ARHGAP15: variants seen among roughly 807,000 people sequenced by gnomAD.
ARHGAP15 encodes the protein rho GTPase-activating protein 15.
ARHGAP15 carries 51 observed loss-of-function variants against 63.7 expected under a neutral mutation model. The ratio of observed to expected loss-of-function variants is 0.80; its 90% CI spans 0.64 to 1.01. ARHGAP15 has a LOEUF of 1.01. Ranked by LOEUF, ARHGAP15 falls within the 50% of genes least tolerant of loss-of-function variation. The pLI is 0.00. For missense variants in ARHGAP15, 560 were observed against 564.6 expected (o/e 0.99, Z 0.08); for synonymous variants, 191 against 193.8 (o/e 0.99, Z 0.12).
chr2:143,261,365 ACT>A (rs1240453052), intron 6 of ARHGAP15, among the ~76,000 whole-genome samples: 7 of 112,882 alleles, frequency 6.2e-5, no homozygotes, highest in Admixed American at 1.3e-4. Flanking sequence ...ACGGAGTCTC[ACT>A]CTGTCACCCA....
chr2:143,710,161 C>CT (rs35982191), intron 13 of ARHGAP15, among the ~76,000 whole-genome samples: 2 of 136,640 alleles, frequency 1.5e-5, no homozygotes, highest in East Asian at 2.0e-4. Context: ...TCTCTCTTTT[C>CT]TTTTTTTTTC....
At chr2:143,146,719 T>G (rs1178469051) in intron 1 of ARHGAP15, among the ~76,000 whole-genome samples, 1 of 152,096 alleles carries the variant, frequency 6.6e-6, no homozygotes, top group African/African-American at 2.4e-5. Context: ...CTCTGAAAAC[T>G]TTTATTTTAA....
chr2:143,351,103 T>G (rs1283719190), intron 6 of ARHGAP15: 1 of 152,084 alleles, frequency 6.6e-6, no homozygotes, highest in East Asian at 1.9e-4. Context: ...GGTCAAAAGT[T>G]TAAGAATGGA....
At chr2:143,598,431 G>A (rs893775697) in intron 11 of ARHGAP15, among the ~76,000 whole-genome samples, 6 of 152,116 alleles carry the variant, frequency 3.9e-5, no homozygotes, top group Non-Finnish European at 7.4e-5. Context: ...TTAAAATTCC[G>A]AGGCCATCAT....
chr2:143,350,819 A>G (rs1435346471), intron 6 of ARHGAP15: 1 of 134,140 alleles, frequency 7.5e-6, no homozygotes, highest in Admixed American at 8.2e-5. Flanking sequence ...AGTCTCGATG[A>G]CAGAGCGAGA....
intron 2 of ARHGAP15, among the ~76,000 whole-genome samples, chr2:143,180,232 T>A (rs1415393343): frequency 6.6e-6 from 1 of 152,248 alleles, no homozygotes; most frequent in Non-Finnish European, 1.5e-5. Flanking sequence ...TTTTATAAAC[T>A]GAGTTTATGG....
intron 6 of ARHGAP15, among the ~76,000 whole-genome samples, chr2:143,283,162 G>A (rs7579046): frequency 6.6e-6 from 1 of 151,948 alleles, no homozygotes; most frequent in Non-Finnish European, 1.5e-5. Flanking sequence ...ATCAAATTTT[G>A]CCCTGCAGCA....
intron 11 of ARHGAP15, among the ~76,000 whole-genome samples, chr2:143,597,113 T>A (rs1170473097): frequency 6.6e-6 from 1 of 151,484 alleles, no homozygotes; most frequent in Non-Finnish European, 1.5e-5. Flanking sequence ...AAGCTTCCCA[T>A]GGTAATACAT....
chr2:143,324,091 C>T (rs1389315954), intron 6 of ARHGAP15, among the ~76,000 whole-genome samples: 2 of 152,004 alleles, frequency 1.3e-5, no homozygotes, highest in Non-Finnish European at 2.9e-5. Context: ...CAAATGTCAA[C>T]TCTACTACTT....
chr2:143,176,210 A>G, intron 2 of ARHGAP15, among the ~76,000 whole-genome samples: 1 of 152,152 alleles, frequency 6.6e-6, no homozygotes, highest in East Asian at 1.9e-4. Context: ...AAAATTATTT[A>G]ATATTGATGG....
intron 11 of ARHGAP15, among the ~76,000 whole-genome samples, chr2:143,565,678 A>T (rs1696190703): frequency 6.6e-6 from 1 of 152,222 alleles, no homozygotes; most frequent in African/African-American, 2.4e-5. Flanking sequence ...CTGTCTCAAC[A>T]AAACAAAGCT....
chr2:143,135,051 G>T (rs776342018), intron 1 of ARHGAP15, among the ~76,000 whole-genome samples: 1 of 152,140 alleles, frequency 6.6e-6, no homozygotes, highest in Non-Finnish European at 1.5e-5. Flanking sequence ...ACCCAACAAG[G>T]TCTCAGAGGA....
At chr2:143,422,666 G>A (rs1688974050) in intron 6 of ARHGAP15, among the ~76,000 whole-genome samples, 3 of 152,098 alleles carry the variant, frequency 2.0e-5, no homozygotes, top group Non-Finnish European at 4.4e-5. Context: ...CGCAAGTATG[G>A]ATTATTTCTT....
chr2:143,355,851 AAAGG>A (rs1286896241), intron 6 of ARHGAP15, among the ~76,000 whole-genome samples: 2 of 152,214 alleles, frequency 1.3e-5, no homozygotes, highest in African/African-American at 4.8e-5. Flanking sequence ...TGATGAAATT[AAAGG>A]ATGAAGAAGA....
intron 6 of ARHGAP15, among the ~76,000 whole-genome samples, chr2:143,405,173 A>G (rs185031350): frequency 1.2e-3 from 184 of 152,062 alleles, no homozygotes; most frequent in South Asian, 2.9e-3. Flanking sequence ...AATGTGTGAT[A>G]GGAGAAAGCA....
intron 12 of ARHGAP15, among the ~76,000 whole-genome samples, chr2:143,692,200 TGGGGCAGG>T (rs1181021191): frequency 1.3e-5 from 2 of 152,002 alleles, no homozygotes; most frequent in East Asian, 3.9e-4. Flanking sequence ...TCTGCTAAAT[TGGGGCAGG>T]GGGGCAGGGA....
At chr2:143,385,762 CAAACT>C (rs1454985620) in intron 6 of ARHGAP15, among the ~76,000 whole-genome samples, 1 of 151,934 alleles carries the variant, frequency 6.6e-6, no homozygotes, top group East Asian at 1.9e-4. Context: ...TTAGATGAAA[CAAACT>C]AATCAAGCAA....
chr2:143,663,552 T>C (rs1681956152), intron 12 of ARHGAP15, among the ~76,000 whole-genome samples: 1 of 150,710 alleles, frequency 6.6e-6, no homozygotes, highest in East Asian at 2.0e-4. Flanking sequence ...CAGGATCAAA[T>C]TCACACATAA....
intron 6 of ARHGAP15, among the ~76,000 whole-genome samples, chr2:143,261,322 G>T (rs1680704310): frequency 2.2e-5 from 3 of 137,954 alleles, no homozygotes; most frequent in South Asian, 2.4e-4. Context: ...TTGGAGGAAT[G>T]ACCTTTTTTT....
Sources: gnomAD v4.1 joint callset for allele counts (sites outside exome capture counted in the v4.1 genomes callset) on GRCh38, gnomAD v4.1.1 for gene constraint, MANE v1.5 for transcripts, NCBI Gene and HGNC (gene_info 2026-07-23, HGNC 2026-07-21) for gene names.